CCSER1: variants seen among roughly 807,000 people sequenced by gnomAD.
CCSER1 encodes the protein coiled-coil serine rich protein 1, also known as serine-rich coiled-coil domain-containing protein 1.
In CCSER1, 41 loss-of-function variants were observed where a neutral mutation model predicts 82.0. The observed-to-expected ratio is 0.50, with a 90% CI of 0.39 to 0.65. The LOEUF (loss-of-function observed/expected upper bound fraction) is 0.65. CCSER1 is among the 30% of genes least tolerant of loss of function. The pLI, the probability that CCSER1 is intolerant of heterozygous loss-of-function variation, is 0.00. For missense variants in CCSER1, 1,119 were observed against 1,064.2 expected (o/e 1.05, Z -0.72); for synonymous variants, 414 against 383.9 (o/e 1.08, Z -0.92).
At chr4:90,795,356 C>G (rs1755849908) in intron 7 of CCSER1, among the ~76,000 whole-genome samples, 1 of 151,266 alleles carries the variant, frequency 6.6e-6, no homozygotes, top group African/African-American at 2.4e-5. Flanking sequence ...CATCCTGAGA[C>G]TTTGCTGAAG....
At chr4:90,325,161 T>C (rs1252636179) in intron 3 of CCSER1, among the ~76,000 whole-genome samples, 1 of 152,190 alleles carries the variant, frequency 6.6e-6, no homozygotes. Flanking sequence ...TTCAGTTTGG[T>C]GTTCCGATGT....
At chr4:91,426,522 A>T (rs1361731048) in intron 10 of CCSER1, among the ~76,000 whole-genome samples, 4 of 152,116 alleles carry the variant, frequency 2.6e-5, no homozygotes, top group Non-Finnish European at 1.5e-5. Flanking sequence ...AAAAAAGAAA[A>T]GTAGTGGATT....
At chr4:90,296,964 T>G (rs1213872066) in intron 1 of CCSER1, among the ~76,000 whole-genome samples, 5 of 152,172 alleles carry the variant, frequency 3.3e-5, no homozygotes, top group Non-Finnish European at 5.9e-5. Flanking sequence ...TAGGATTGAC[T>G]TGGCAATGTG....
At chr4:91,070,462 T>C (rs1042304025) in intron 9 of CCSER1, among the ~76,000 whole-genome samples, 1 of 152,174 alleles carries the variant, frequency 6.6e-6, no homozygotes, top group Non-Finnish European at 1.5e-5. Context: ...CTGTCAAGAA[T>C]TGTGCTCTTT....
chr4:91,128,174 C>T (rs1373983014), intron 10 of CCSER1, among the ~76,000 whole-genome samples: 2 of 151,992 alleles, frequency 1.3e-5, no homozygotes, highest in African/African-American at 4.8e-5. Context: ...TACCCAGGCC[C>T]ACGTGTTCTT....
chr4:90,204,327 T>A (rs1560792566), intron 1 of CCSER1, among the ~76,000 whole-genome samples: 2 of 152,236 alleles, frequency 1.3e-5, no homozygotes, highest in Non-Finnish European at 2.9e-5. Flanking sequence ...GATTTTTAGG[T>A]CTTACATTTA....
At chr4:91,014,946 C>A (rs1739298729) in intron 9 of CCSER1, among the ~76,000 whole-genome samples, 2 of 82,422 alleles carry the variant, frequency 2.4e-5, no homozygotes, top group Middle Eastern at 6.8e-3. Context: ...TAGTTTATTA[C>A]AGTGGAAATT....
At position 90,411,178 on chromosome 4, in the gene CCSER1, C is replaced by T. The variant is rs527264416; in HGVS notation, c.1603+11049C>T. ...GTCCAGGACCAGATGGATTCACAGC[C>T]GAATTCTACCAGAGGTACAAGGAGG... On this transcript the variant is annotated intron_variant, in intron 4 of 10. Transcript: ENST00000509176. 2.3e-3 allele frequency among the ~76,000 whole-genome samples: 344 copies of T among 152,200 alleles called. 4 individuals are homozygous for T. The highest frequency in any genetic ancestry group is 8.0e-3 in the African/African-American group (334 of 41,526).
chr4:91,548,457 T>C (rs1264296577), intron 10 of CCSER1, among the ~76,000 whole-genome samples: 1 of 152,222 alleles, frequency 6.6e-6, no homozygotes, highest in East Asian at 1.9e-4. Context: ...TAATGTTCTT[T>C]CTTTACATAG....
chr4:90,228,802 G>T (rs915725821), intron 1 of CCSER1, among the ~76,000 whole-genome samples: 1 of 152,202 alleles, frequency 6.6e-6, no homozygotes, highest in Non-Finnish European at 1.5e-5. Flanking sequence ...GAAGACCAAG[G>T]CTCGAGAACT....
At chr4:91,082,851 C>T (rs538326243) in intron 9 of CCSER1, among the ~76,000 whole-genome samples, 1,547 of 152,256 alleles carry the variant, frequency 0.01, 23 homozygotes, top group African/African-American at 0.035. Flanking sequence ...CAAATCAAAA[C>T]CACAATGAGA....
intron 10 of CCSER1, among the ~76,000 whole-genome samples, chr4:91,522,724 G>A (rs576463354): frequency 5.9e-4 from 90 of 152,264 alleles, no homozygotes; most frequent in African/African-American, 2.1e-3. Flanking sequence ...CATTGATTTT[G>A]TATCCTGAGA....
intron 1 of CCSER1, among the ~76,000 whole-genome samples, chr4:90,277,275 A>G (rs559626259): frequency 6.6e-6 from 1 of 152,282 alleles, no homozygotes; most frequent in African/African-American, 2.4e-5. Context: ...CCAAACTACC[A>G]ATGTCATTTT....
chr4:90,443,701 A>G (rs1760228696), intron 4 of CCSER1, among the ~76,000 whole-genome samples: 1 of 152,116 alleles, frequency 6.6e-6, no homozygotes, highest in South Asian at 2.1e-4. Flanking sequence ...AGCATATAAA[A>G]TATGATTTTT....
chr4:91,180,444 G>T (rs895285289), intron 10 of CCSER1, among the ~76,000 whole-genome samples: 1 of 152,240 alleles, frequency 6.6e-6, no homozygotes, highest in Non-Finnish European at 1.5e-5. Context: ...TTCTTGAGCT[G>T]TGGTGGGCTC....
At chr4:90,405,709 G>T (rs150315195) in intron 4 of CCSER1, among the ~76,000 whole-genome samples, 1 of 152,100 alleles carries the variant, frequency 6.6e-6, no homozygotes, top group Non-Finnish European at 1.5e-5. Context: ...TCTATTTTTA[G>T]CCTTCTTAAA....
intron 6 of CCSER1, among the ~76,000 whole-genome samples, chr4:90,666,813 G>A (rs72661836): frequency 2.5e-4 from 38 of 152,232 alleles, no homozygotes; most frequent in Admixed American, 7.2e-4. Context: ...AGAAAATTTT[G>A]TGGGGGAGAG....
chr4:91,253,109 C>A (rs1479011952), intron 10 of CCSER1, among the ~76,000 whole-genome samples: 1 of 152,002 alleles, frequency 6.6e-6, no homozygotes, highest in African/African-American at 2.4e-5. Flanking sequence ...TTTCTTCTAC[C>A]TCTGCCACTT....
chr4:91,417,694 G>A lies in CCSER1; in HGVS notation c.2218-180878G>A, dbSNP rs75006461. 5.1e-4 allele frequency among the ~76,000 whole-genome samples: 78 copies of A among 151,838 alleles called. No homozygotes were observed. In the East Asian group the frequency reaches 0.014, roughly 28 times the overall value. On this transcript the variant is annotated intron_variant, in intron 10 of 10. Coordinates refer to ENST00000509176, the MANE Select transcript of CCSER1 (RefSeq NM_001145065.2). Reference sequence around the variant, plus strand: ...CAACACACACTGGGGCCTGTCATTGGGGGTCAAGGGGAGAGAGAGCATCAG... The same window carrying A: ...CAACACACACTGGGGCCTGTCATTGAGGGTCAAGGGGAGAGAGAGCATCAG...
Sources: allele counts gnomAD v4.1 joint callset (sites outside exome capture counted in the v4.1 genomes callset), GRCh38; gene constraint gnomAD v4.1.1; transcripts MANE v1.5; gene names NCBI Gene and HGNC (gene_info 2026-07-23, HGNC 2026-07-21).